LMNB1: variants seen among roughly 807,000 people sequenced by gnomAD.
The protein encoded by LMNB1 is lamin-B1.
In LMNB1, 23 loss-of-function variants were observed where a neutral mutation model predicts 67.1. That is an observed-to-expected ratio of 0.34 (90% confidence interval 0.25 to 0.49). The LOEUF (loss-of-function observed/expected upper bound fraction) is 0.49, where lower values mean the gene tolerates loss of function less well. LMNB1 is among the 20% of genes least tolerant of loss of function. LMNB1 has a pLI of 0.99. For missense variants in LMNB1, 634 were observed against 746.5 expected (o/e 0.85, Z 1.76); for synonymous variants, 281 against 282.9 (o/e 0.99, Z 0.07).
intron 1 of LMNB1, among the ~76,000 whole-genome samples, chr5:126,779,364 T>C (rs1262466013): frequency 2.6e-5 from 4 of 152,230 alleles, no homozygotes; most frequent in African/African-American, 4.8e-5. Flanking sequence ...TAAGCTTGTA[T>C]TTCCCTTTCT....
At chr5:126,820,020 C>T in intron 6 of LMNB1, among the ~76,000 whole-genome samples, 1 of 152,038 alleles carries the variant, frequency 6.6e-6, no homozygotes, top group East Asian at 1.9e-4. Flanking sequence ...TGGCAGGCAC[C>T]TGTAATCCCA....
At position 126,824,939 on chromosome 5, in the gene LMNB1, C is replaced by T. The variant is rs6595740; in HGVS notation, c.1492-1049C>T. ...CTTAGCTCAAGTGATCTGCCCGCCTCGGCCTCCCAAAGTGCTGTGATTACA... is the reference window on the plus strand; with the variant it reads ...CTTAGCTCAAGTGATCTGCCCGCCTTGGCCTCCCAAAGTGCTGTGATTACA... On this transcript the variant is annotated intron_variant, in intron 8 of 10. Coordinates refer to ENST00000261366, the MANE Select transcript of LMNB1 (RefSeq NM_005573.4). 9.4e-3 allele frequency among the ~76,000 whole-genome samples: 1,413 copies of T among 150,088 alleles called. 21 individuals carry two copies. Among genetic ancestry groups the T allele is most frequent in the African/African-American group, 0.031 (1,281 of 40,840 alleles).
At chr5:126,788,176 G>A (rs1349091255) in intron 1 of LMNB1, among the ~76,000 whole-genome samples, 1 of 152,098 alleles carries the variant, frequency 6.6e-6, no homozygotes, top group Non-Finnish European at 1.5e-5. Context: ...ACCGAAATTG[G>A]TGGGGAATGA....
chr5:126,800,350 G>C (rs1186099039), intron 1 of LMNB1, among the ~76,000 whole-genome samples: 1 of 152,166 alleles, frequency 6.6e-6, no homozygotes, highest in Non-Finnish European at 1.5e-5. Flanking sequence ...GTAAAGCAGG[G>C]AAGCATTACA....
chr5:126,807,989 A>C (rs1169747791), intron 3 of LMNB1, among the ~76,000 whole-genome samples: 1 of 151,812 alleles, frequency 6.6e-6, no homozygotes, highest in Non-Finnish European at 1.5e-5. Context: ...CTTCTGCTTC[A>C]GCCTCTGGAG....
chr5:126,795,292 T>C (rs890712388), intron 1 of LMNB1, among the ~76,000 whole-genome samples: 1 of 152,066 alleles, frequency 6.6e-6, no homozygotes, highest in Admixed American at 6.6e-5. Context: ...CACAGGCCAC[T>C]ACTCCCAGCT....
intron 3 of LMNB1, among the ~76,000 whole-genome samples, chr5:126,808,618 A>G (rs555444498): frequency 4.0e-4 from 61 of 152,218 alleles, no homozygotes; most frequent in African/African-American, 1.3e-3. Flanking sequence ...AGAACAAACC[A>G]TTAGCAGTCA....
intron 1 of LMNB1, among the ~76,000 whole-genome samples, chr5:126,800,968 TATATATATATATAA>T (rs1751263792): frequency 8.2e-5 from 6 of 73,182 alleles, no homozygotes; most frequent in African/African-American, 1.8e-4. Context: ...TATATATATA[TATATATATATATAA>T]TTTTTTTTTT....
At chr5:126,795,130 C>CTTTTTTTTT (rs55837872) in intron 1 of LMNB1, among the ~76,000 whole-genome samples, 1,840 of 128,824 alleles carry the variant, frequency 0.014, 34 homozygotes, top group South Asian at 0.04. Context: ...ATTCCTTTTC[C>CTTTTTTTTT]TTTTTTTTTT....
At position 126,836,637 on chromosome 5, in the gene LMNB1, T is replaced by G. The variant is rs1045149991; in HGVS notation, c.*373T>G. ...AATTTGAAGATTGCCCCATCTAGAC[T>G]AGCAATCTCTTCATTATTCTCTGCT... is the stretch of plus-strand genomic sequence containing the variant. On this transcript the variant is annotated 3_prime_UTR_variant, in exon 11 of 11. Transcript: ENST00000261366. The G allele has an allele frequency of 2.8e-6, 1 of 362,892 alleles. No homozygotes were observed. Among genetic ancestry groups the G allele is most frequent in the African/African-American group, 2.1e-5 (1 of 47,954 alleles). The allele number at this position is 362,892 out of a possible 1,614,324, so 22.5% of individuals were successfully genotyped here. A position where few individuals can be genotyped will look rare whatever the true frequency, so the allele number is the denominator to read the frequency against.
Position 126,802,185 on chromosome 5 carries a change from T to G in LMNB1, c.360-2591T>G, listed in dbSNP as rs183755550. Among the ~76,000 whole-genome samples, 158 of 152,366 alleles carry G rather than the reference T, an allele frequency of 1.0e-3. 1 individual carries two copies. Among genetic ancestry groups the G allele is most frequent in the African/African-American group, 3.6e-3 (149 of 41,584 alleles). ...AGATTTAAGCATGTGGCATGACTGC[T>G]GAGCTTTTATGATGAGTAAAAAGTG... On this transcript the variant is annotated intron_variant, in intron 1 of 10. Transcript: ENST00000261366.
At chr5:126,784,775 T>C (rs912548720) in intron 1 of LMNB1, among the ~76,000 whole-genome samples, 2 of 146,442 alleles carry the variant, frequency 1.4e-5, no homozygotes, top group African/African-American at 5.1e-5. Flanking sequence ...CCTGCCTCAC[T>C]CAGCCTCCTG....
chr5:126,812,217 T>TCAACAC (rs1453307363), intron 5 of LMNB1, among the ~76,000 whole-genome samples: 2 of 152,202 alleles, frequency 1.3e-5, no homozygotes, highest in African/African-American at 4.8e-5. Context: ...CAGCTTCATC[T>TCAACAC]CTACAGAGTT....
At chr5:126,813,895 GTTGTTT>G in intron 5 of LMNB1, among the ~76,000 whole-genome samples, 1 of 152,022 alleles carries the variant, frequency 6.6e-6, no homozygotes, top group Admixed American at 6.5e-5. Context: ...TGTTTTTCTT[GTTGTTT>G]TTTTTTCTTC....
intron 1 of LMNB1, among the ~76,000 whole-genome samples, chr5:126,779,782 CA>C (rs1750575354): frequency 6.6e-6 from 1 of 152,096 alleles, no homozygotes; most frequent in South Asian, 2.1e-4. Context: ...CCTGTAATCC[CA>C]GCACTTTGGG....
chr5:126,777,557 G>A lies in LMNB1; in HGVS notation c.49G>A (p.Gly17Ser). The change falls in exon 1 of 11, where the codon GGC becomes AGC. Residue 17 changes from glycine to serine, a missense_variant. Physicochemically the swap from Gly to Ser is moderately conservative, Grantham distance 56. Transcript: ENST00000261366. ...VPPRMGSRAG[G>S]PTTPLSPTRL... The stretch of plus-strand genomic sequence containing the variant: ...GCCGCGGATGGGCAGCCGCGCTGGC[G>A]GCCCCACCACGCCGCTGAGCCCCAC... 1 of 1,454,670 alleles carries A rather than the reference G, an allele frequency of 6.9e-7. No individual in the cohort carries two copies. Among genetic ancestry groups the A allele is most frequent in the Non-Finnish European group, 9.1e-7 (1 of 1,099,246 alleles). The allele number at this position is 1,454,670 out of a possible 1,614,324, so 90.1% of individuals were successfully genotyped here. A position where few individuals can be genotyped will look rare whatever the true frequency, so the allele number is the denominator to read the frequency against.
At chr5:126,811,673 T>C (rs900023581) in intron 4 of LMNB1, 100 bp from the exon 5 acceptor site, 1 of 1,084,658 alleles carries the variant, frequency 9.2e-7, no homozygotes, top group African/African-American at 1.6e-5. Flanking sequence ...ATCTACCAGT[T>C]ACCAGCAGGA....
At chr5:126,831,967 T>C (rs751952682) in intron 9 of LMNB1, among the ~76,000 whole-genome samples, 2 of 151,814 alleles carry the variant, frequency 1.3e-5, no homozygotes, top group African/African-American at 2.4e-5. Context: ...CCCACCCCTT[T>C]AAAAATAATA....
chr5:126,785,355 G>A (rs184824187), intron 1 of LMNB1, among the ~76,000 whole-genome samples: 57 of 147,008 alleles, frequency 3.9e-4, no homozygotes, highest in African/African-American at 1.3e-3. Flanking sequence ...GCAGTGGCAC[G>A]ATCTCAGCTC....
Sources: gnomAD v4.1 joint callset for allele counts (sites outside exome capture counted in the v4.1 genomes callset) on GRCh38, gnomAD v4.1.1 for gene constraint, MANE v1.5 for transcripts, NCBI Gene and HGNC (gene_info 2026-07-23, HGNC 2026-07-21) for gene names.